The following KIF21A variants were observed in gnomAD, a reference collection of about 807,000 sequenced individuals.
KIF21A encodes kinesin family member 21A.
A neutral mutation model predicts 202.9 loss-of-function variants in KIF21A; 114 were observed. The ratio of observed to expected loss-of-function variants is 0.56; its 90% CI spans 0.48 to 0.66. The LOEUF is 0.66. Ranked by LOEUF, KIF21A falls within the 30% of genes least tolerant of loss-of-function variation. The pLI is 0.00. For missense variants in KIF21A, 1,677 were observed against 1,994.9 expected (o/e 0.84, Z 3.04); for synonymous variants, 667 against 670.8 (o/e 0.99, Z 0.09).
rs1289329224 is a variant in KIF21A at position 39,332,473 on chromosome 12, AC to A, written c.2857-66del. ...ACTTATTTATATACAGTACCATCAA[AC>A]CCCCCCACCCCCCAAAAAAAACTTG... On this transcript the variant is annotated intron_variant, in intron 20 of 37. Transcript: ENST00000361418. 50 of 791,012 alleles carry A rather than the reference AC, an allele frequency of 6.3e-5. 1 individual carries two copies. The highest frequency in any genetic ancestry group is 3.5e-4 in the East Asian group (8 of 22,578). The allele number at this position is 791,012 out of a possible 1,614,324, so 49.0% of individuals were successfully genotyped here. A position where few individuals can be genotyped will look rare whatever the true frequency, so the allele number is the denominator to read the frequency against.
In KIF21A at chr12:39,443,080, G is replaced by A. The variant is rs1592784204; in HGVS notation, c.-110C>T. 2.6e-6 allele frequency: 3 copies of A among 1,150,444 alleles called. No homozygotes were observed. The East Asian group carries it at 9.4e-5, about 36-fold the overall frequency. The allele number at this position is 1,150,444 out of a possible 1,614,324, so 71.3% of individuals were successfully genotyped here. A position where few individuals can be genotyped will look rare whatever the true frequency, so the allele number is the denominator to read the frequency against. On this transcript the variant is annotated 5_prime_UTR_variant, in exon 1 of 38. Coordinates refer to ENST00000361418, the MANE Select transcript of KIF21A (RefSeq NM_001173464.2). Reference sequence around the variant, plus strand: ...AGGCTGGGGCGTCTGCGGGCGGGCGGCCGGCTCACCTCCGCCGCGCTCCAG... The same window carrying A: ...AGGCTGGGGCGTCTGCGGGCGGGCGACCGGCTCACCTCCGCCGCGCTCCAG...
At position 39,332,925 on chromosome 12, in the gene KIF21A, C is replaced by G; in HGVS notation, c.2670G>C (p.Gln890His). 4 of 1,614,016 alleles carry G rather than the reference C, an allele frequency of 2.5e-6. No individual in the cohort carries two copies. The East Asian group carries it at 6.7e-5, about 27-fold the overall frequency. Reference protein sequence around the residue: ...QKMRIPVARVQALPTPATNGN... With the variant: ...QKMRIPVARVHALPTPATNGN... Reference sequence around the variant, plus strand: ...CATTTGTTGCCGGCGTTGGTAAGGCCTGGACTCTCGCCACAGGAATTCTCA... The same window carrying G: ...CATTTGTTGCCGGCGTTGGTAAGGCGTGGACTCTCGCCACAGGAATTCTCA... Residue 890 changes from glutamine (Q) to histidine (H), a missense_variant, in exon 19 of 38, where the codon CAG (glutamine) becomes CAC (histidine). Gln to His is a conservative substitution (Grantham distance 24). Transcript: ENST00000361418.
chr12:39,346,798 T>G (rs1284010378), intron 11 of KIF21A, among the ~76,000 whole-genome samples: 1 of 151,926 alleles, frequency 6.6e-6, no homozygotes, highest in East Asian at 1.9e-4. Context: ...TGATAAGGAT[T>G]AGGCATGCTT....
At chr12:39,412,226 A>G (rs1329797322) in intron 1 of KIF21A, among the ~76,000 whole-genome samples, 1 of 152,216 alleles carries the variant, frequency 6.6e-6, no homozygotes, top group Non-Finnish European at 1.5e-5. Flanking sequence ...TACAATGATT[A>G]ATGGTATTTT....
At chr12:39,337,948 A>T (rs1272234452) in intron 16 of KIF21A, among the ~76,000 whole-genome samples, 1 of 152,236 alleles carries the variant, frequency 6.6e-6, no homozygotes. Flanking sequence ...CCTGATAAGG[A>T]TAATAAATGA....
rs866295813 is a variant in KIF21A at position 39,315,757 on chromosome 12, A to G, written c.3947+175T>C. On this transcript the variant is annotated intron_variant, in intron 30 of 37. Transcript: ENST00000361418. The stretch of plus-strand genomic sequence containing the variant: ...CAAAAAAAACCACTACTTTATCTAA[A>G]AGGTATGACCACAAAAATGTATTAA... 1.0e-5 allele frequency: 7 copies of G among 685,524 alleles called. No homozygotes were observed. The Middle Eastern group carries it at 1.5e-3, about 148-fold the overall frequency. The allele number at this position is 685,524 out of a possible 1,614,324, so 42.5% of individuals were successfully genotyped here. A position where few individuals can be genotyped will look rare whatever the true frequency, so the allele number is the denominator to read the frequency against.
chr12:39,396,976 T>C (rs1566147978), intron 1 of KIF21A, among the ~76,000 whole-genome samples: 2 of 152,194 alleles, frequency 1.3e-5, no homozygotes, highest in Admixed American at 1.3e-4. Flanking sequence ...AAATAGTGTA[T>C]GATTTTATTT....
chr12:39,429,142 G>T (rs1353605071), intron 1 of KIF21A, among the ~76,000 whole-genome samples: 1 of 152,220 alleles, frequency 6.6e-6, no homozygotes, highest in East Asian at 1.9e-4. Flanking sequence ...GAGGTTTAAG[G>T]ATTAATATGC....
At chr12:39,312,171 A>G (rs1944094672) in intron 31 of KIF21A, 1 of 152,436 alleles carries the variant, frequency 6.6e-6, no homozygotes, top group Non-Finnish European at 1.5e-5. Context: ...CATACACACA[A>G]TGGAGTACTA....
intron 31 of KIF21A, chr12:39,312,180 T>C (rs545262240): frequency 1.3e-5 from 2 of 152,234 alleles, no homozygotes; most frequent in Admixed American, 6.5e-5. Context: ...AATGGAGTAC[T>C]ATTTAGCCAT....
intron 1 of KIF21A, among the ~76,000 whole-genome samples, chr12:39,385,169 A>C (rs1278280098): frequency 6.6e-6 from 1 of 152,184 alleles, no homozygotes; most frequent in Admixed American, 6.5e-5. Flanking sequence ...TGCCATAGTC[A>C]AGACAGTTCT....
intron 1 of KIF21A, among the ~76,000 whole-genome samples, chr12:39,439,488 A>G (rs992332350): frequency 2.6e-5 from 4 of 152,194 alleles, no homozygotes; most frequent in African/African-American, 9.6e-5. Flanking sequence ...CTAAATTTTC[A>G]TCAGAAATAC....
chr12:39,307,762 A>G (rs377016754), intron 33 of KIF21A, 33 bp from the exon 34 acceptor site: 1 of 1,602,656 alleles, frequency 6.2e-7, no homozygotes, highest in African/African-American at 1.3e-5. Flanking sequence ...AAAAAGTCAC[A>G]CTTCTGGACT....
chr12:39,331,889 A>T, intron 21 of KIF21A, 98 bp from the exon 22 acceptor site: 1 of 918,540 alleles, frequency 1.1e-6, no homozygotes, highest in South Asian at 1.3e-5. Context: ...GTATTGGGTT[A>T]GCTAATGAGA....
At chr12:39,335,262 A>G (rs927743320) in intron 17 of KIF21A, among the ~76,000 whole-genome samples, 1 of 151,958 alleles carries the variant, frequency 6.6e-6, no homozygotes, top group East Asian at 1.9e-4. Flanking sequence ...AAATACAAAA[A>G]TTAGCCAGGT....
intron 1 of KIF21A, among the ~76,000 whole-genome samples, chr12:39,376,556 G>A (rs1461317036): frequency 1.3e-5 from 2 of 152,058 alleles, no homozygotes; most frequent in Non-Finnish European, 2.9e-5. Flanking sequence ...AAATGCTAGT[G>A]ACTACAATAT....
At position 39,351,895 on chromosome 12, in the gene KIF21A, C is replaced by T. The variant is rs569736835; in HGVS notation, c.1555G>A (p.Gly519Arg). 110 of 1,613,072 alleles carry T rather than the reference C, an allele frequency of 6.8e-5. No homozygotes were observed. The South Asian group carries it at 8.4e-4, about 12-fold the overall frequency. Reference sequence around the variant, plus strand: ...ATGGTAGGAGAAAAAGTTGATGATCCGCTGAAATATGGCGCTCTTGCTGTG... The same window carrying T: ...ATGGTAGGAGAAAAAGTTGATGATCTGCTGAAATATGGCGCTCTTGCTGTG... ...RATARAPYFS[G>R]SSTFSPTILS... The change falls in exon 11 of 38, where the codon GGA (glycine) becomes AGA (arginine). Residue 519 changes from glycine (G) to arginine (R), a missense_variant. Around this residue, in one of 3 missense-constraint regions of KIF21A, gnomAD observed 966 missense variants for 1,180.9 expected, o/e 0.82. Coordinates refer to ENST00000361418, the MANE Select transcript of KIF21A (RefSeq NM_001173464.2).
intron 12 of KIF21A, among the ~76,000 whole-genome samples, chr12:39,345,229 G>A (rs1034024719): frequency 2.0e-5 from 3 of 152,086 alleles, no homozygotes; most frequent in South Asian, 2.1e-4. Context: ...ACATTTAAAG[G>A]ACTTGAATAT....
intron 1 of KIF21A, among the ~76,000 whole-genome samples, chr12:39,370,663 A>T (rs1462429439): frequency 6.6e-6 from 1 of 152,134 alleles, no homozygotes; most frequent in African/African-American, 2.4e-5. Context: ...ATGGAAAAAT[A>T]AAAAAGCAAG....
Sources: gnomAD v4.1 joint callset for allele counts (sites outside exome capture counted in the v4.1 genomes callset) on GRCh38, gnomAD v4.1.1 for gene constraint, gnomAD v4.1.1 regional missense constraint, MANE v1.5 for transcripts, NCBI Gene and HGNC (gene_info 2026-07-23, HGNC 2026-07-21) for gene names.